The following CA10 variants were observed in gnomAD, a reference collection of about 807,000 sequenced individuals.
CA10 encodes the protein carbonic anhydrase 10 (inactive).
CA10 carries 14 observed loss-of-function variants against 44.2 expected under a neutral mutation model. The observed-to-expected ratio is 0.32, with a 90% CI of 0.21 to 0.50. The LOEUF (loss-of-function observed/expected upper bound fraction) is 0.50. Ranked by LOEUF, CA10 falls within the 20% of genes least tolerant of loss-of-function variation. The pLI, the probability that CA10 is intolerant of heterozygous loss-of-function variation, is 0.99. For missense variants in CA10, 350 were observed against 409.7 expected (o/e 0.85, Z 1.26); for synonymous variants, 159 against 141.6 (o/e 1.12, Z -0.87).
At chr17:51,953,480 G>A (rs1304066481) in intron 2 of CA10, among the ~76,000 whole-genome samples, 1 of 147,418 alleles carries the variant, frequency 6.8e-6, no homozygotes, top group Non-Finnish European at 1.5e-5. Flanking sequence ...TTTGAACTTT[G>A]TTATCAGAAT....
intron 3 of CA10, among the ~76,000 whole-genome samples, chr17:51,767,143 C>T (rs1294882521): frequency 6.6e-6 from 1 of 152,160 alleles, no homozygotes; most frequent in Non-Finnish European, 1.5e-5. Flanking sequence ...ATAATAATTG[C>T]ATGAGGAGGA....
chr17:51,729,599 C>T (rs1290419834), intron 4 of CA10, among the ~76,000 whole-genome samples: 1 of 152,186 alleles, frequency 6.6e-6, no homozygotes, highest in Non-Finnish European at 1.5e-5. Flanking sequence ...AGTTGACAAG[C>T]AATCAATTCC....
intron 2 of CA10, among the ~76,000 whole-genome samples, chr17:51,934,414 A>G (rs1276251079): frequency 6.6e-6 from 1 of 152,114 alleles, no homozygotes; most frequent in African/African-American, 2.4e-5. Context: ...TCATTTTAGG[A>G]AATTTCAGTT....
intron 4 of CA10, among the ~76,000 whole-genome samples, chr17:51,744,204 A>G (rs1412921290): frequency 1.3e-5 from 2 of 151,956 alleles, no homozygotes; most frequent in African/African-American, 4.8e-5. Context: ...AATCCCAGCT[A>G]CTAGAGAGGC....
At chr17:51,700,275 C>T (rs1915547806) in intron 4 of CA10, among the ~76,000 whole-genome samples, 1 of 152,172 alleles carries the variant, frequency 6.6e-6, no homozygotes, top group East Asian at 1.9e-4. Flanking sequence ...AGTGCAGCAG[C>T]CAGAGGGGAT....
rs867085087 is a variant in CA10 at position 51,849,240 on chromosome 17, T to C, written c.279+81750A>G. Among the ~76,000 whole-genome samples, 69 of 113,310 alleles carry C rather than the reference T, an allele frequency of 6.1e-4. 2 individuals carry two copies. The highest frequency in any genetic ancestry group is 2.8e-3 in the South Asian group (10 of 3,598). 74.3% of individuals were successfully genotyped at this position (113,310 alleles called of 152,430 possible). A position where few individuals can be genotyped will look rare whatever the true frequency, so the allele number is the denominator to read the frequency against. On this transcript the variant is annotated intron_variant, in intron 3 of 8. Coordinates refer to ENST00000451037, the MANE Select transcript of CA10 (RefSeq NM_020178.5). ...ATATACATATATGTGTGTGTATATA[T>C]ATATATATATATATATATATATATA...
intron 1 of CA10, among the ~76,000 whole-genome samples, chr17:52,109,290 C>G (rs953982616): frequency 2.0e-5 from 3 of 152,210 alleles, no homozygotes; most frequent in Admixed American, 2.0e-4. Context: ...TCAAGTCCTT[C>G]TAAGGATGCT....
chr17:51,739,568 G>T (rs2143583816), intron 4 of CA10, among the ~76,000 whole-genome samples: 1 of 152,284 alleles, frequency 6.6e-6, no homozygotes. Flanking sequence ...GAGTCAATGG[G>T]ATAATGAGTT....
intron 4 of CA10, among the ~76,000 whole-genome samples, chr17:51,681,581 A>G (rs958455390): frequency 2.6e-5 from 4 of 152,036 alleles, no homozygotes. Context: ...AGTCATGACA[A>G]CCCTAACTGT....
chr17:52,086,423 A>G (rs1198914402), intron 1 of CA10, among the ~76,000 whole-genome samples: 1 of 152,184 alleles, frequency 6.6e-6, no homozygotes, highest in Non-Finnish European at 1.5e-5. Flanking sequence ...TCAAGCCAGA[A>G]TGGAAAAAAG....
intron 3 of CA10, among the ~76,000 whole-genome samples, chr17:51,839,954 T>TA (rs1213234883): frequency 6.6e-6 from 1 of 152,184 alleles, no homozygotes; most frequent in Non-Finnish European, 1.5e-5. Flanking sequence ...TCCTTACACT[T>TA]ACGCTAGAAA....
Position 51,633,549 on chromosome 17 carries a change from G to T in CA10, c.891C>A (p.Ile297=). 1 of 1,614,088 alleles carries T rather than the reference G, an allele frequency of 6.2e-7. No individual in the cohort carries two copies. The highest frequency in any genetic ancestry group is 1.1e-5 in the South Asian group (1 of 91,062). The change falls in exon 8 of 9, where the codon ATC becomes ATA. Residue 297 remains isoleucine (I), a synonymous_variant. Transcript: ENST00000451037. ...RPVQPLNNRC[I]RTNINFSLQG... ...GTAAACTGAAGTTGATATTGGTGCG[G>T]ATGCAGCGGTTGTTGAGTGGCTGGA... is the stretch of plus-strand genomic sequence containing the variant.
intron 2 of CA10, among the ~76,000 whole-genome samples, chr17:52,065,684 C>A (rs1052585237): frequency 6.6e-6 from 1 of 152,154 alleles, no homozygotes; most frequent in African/African-American, 2.4e-5. Context: ...ATCCAAACTC[C>A]CAGTTGGTAT....
At chr17:51,831,285 A>T (rs889546162) in intron 3 of CA10, among the ~76,000 whole-genome samples, 5 of 152,314 alleles carry the variant, frequency 3.3e-5, no homozygotes, top group Non-Finnish European at 1.5e-5. Context: ...AAGTCCCCTA[A>T]CATCCTTTTA....
chr17:51,940,373 A>G (rs1156511083), intron 2 of CA10, among the ~76,000 whole-genome samples: 1 of 152,090 alleles, frequency 6.6e-6, no homozygotes, highest in Admixed American at 6.6e-5. Flanking sequence ...ACGGGACCGT[A>G]AACACCCAAG....
chr17:51,821,175 G>T (rs1907781380), intron 3 of CA10, among the ~76,000 whole-genome samples: 1 of 137,680 alleles, frequency 7.3e-6, no homozygotes, highest in Non-Finnish European at 1.5e-5. Context: ...GGTACTAGAT[G>T]CTAAGTGCTG....
chr17:51,725,937 T>G (rs1916503619), intron 4 of CA10, among the ~76,000 whole-genome samples: 1 of 151,716 alleles, frequency 6.6e-6, no homozygotes, highest in African/African-American at 2.4e-5. Flanking sequence ...TGAAGTGTAA[T>G]GAGAACACAC....
chr17:52,124,831 C>T (rs1241511186), intron 1 of CA10, among the ~76,000 whole-genome samples: 1 of 152,190 alleles, frequency 6.6e-6, no homozygotes, highest in Non-Finnish European at 1.5e-5. Flanking sequence ...GAGGCTTGCT[C>T]TCCTCTGTGC....
chr17:52,083,580 C>T lies in CA10; in HGVS notation c.62-11187G>A, dbSNP rs552262068. On this transcript the variant is annotated intron_variant, in intron 1 of 8. Transcript: ENST00000451037. ...TCATCCCCCTCACTCTCCCACCCTT[C>T]CAAGTCTCCAATGTCTATTATTCCA... Among the ~76,000 whole-genome samples the T allele has an allele frequency of 1.8e-4, 27 of 152,252 alleles. No individual in the cohort carries two copies. In the South Asian group the frequency reaches 5.2e-3, roughly 29 times the overall value.
Sources: allele counts gnomAD v4.1 joint callset (sites outside exome capture counted in the v4.1 genomes callset), GRCh38; gene constraint gnomAD v4.1.1; transcripts MANE v1.5; gene names NCBI Gene and HGNC (gene_info 2026-07-23, HGNC 2026-07-21).